Variants in NRXN3 observed in about 807,000 individuals in gnomAD.
NRXN3 encodes the protein neurexin III.
NRXN3 carries 32 observed loss-of-function variants against 137.6 expected under a neutral mutation model. The observed-to-expected ratio is 0.23, with a 90% CI of 0.18 to 0.31. The LOEUF is 0.31. Ranked by LOEUF, NRXN3 falls within the 10% of genes least tolerant of loss-of-function variation. The pLI, the probability that NRXN3 is intolerant of heterozygous loss-of-function variation, is 1.00. For missense variants in NRXN3, 1,574 were observed against 2,062.5 expected (o/e 0.76, Z 4.59); for synonymous variants, 798 against 784.5 (o/e 1.02, Z -0.29).
chr14:79,839,991 G>GTATGTATC (rs59626700), intron 20 of NRXN3, among the ~76,000 whole-genome samples: 5 of 147,630 alleles, frequency 3.4e-5, no homozygotes, highest in East Asian at 2.0e-4. Context: ...ATGTATGTAT[G>GTATGTATC]TATTTAAACG....
intron 8 of NRXN3, among the ~76,000 whole-genome samples, chr14:78,720,601 C>T (rs574016091): frequency 2.6e-5 from 4 of 152,158 alleles, no homozygotes; most frequent in Non-Finnish European, 5.9e-5. Flanking sequence ...CTCAGCAAGT[C>T]TCATCCATTT....
rs74951927 is a variant in NRXN3 at position 78,956,428 on chromosome 14, G to C, written c.2276-814G>C. ...TCCTGTTACCCCTGATTCTTTATAGGGTTCACTTGAACCTTAGCTTGAGCA... is the reference window on the plus strand; with the variant it reads ...TCCTGTTACCCCTGATTCTTTATAGCGTTCACTTGAACCTTAGCTTGAGCA... On this transcript the variant is annotated intron_variant, in intron 10 of 20. Transcript: ENST00000335750. Among the ~76,000 whole-genome samples the C allele has an allele frequency of 1.4e-4, 21 of 152,040 alleles. No homozygotes were observed. The East Asian group carries it at 4.1e-3, about 29-fold the overall frequency.
intron 11 of NRXN3, among the ~76,000 whole-genome samples, 160 bp downstream of exon 11, chr14:78,957,521 C>T (rs2099399138): frequency 6.6e-6 from 1 of 152,208 alleles, no homozygotes; most frequent in Non-Finnish European, 1.5e-5. Context: ...AGGTCTTCCT[C>T]TGTATTTTAC....
At chr14:79,598,906 C>G (rs978976038) in intron 16 of NRXN3, among the ~76,000 whole-genome samples, 6 of 152,040 alleles carry the variant, frequency 3.9e-5, no homozygotes, top group Admixed American at 1.3e-4. Context: ...AAGAGGTGGC[C>G]CTGGGATGGG....
chr14:78,227,743 G>T (rs112127147), intron 1 of NRXN3, among the ~76,000 whole-genome samples: 1 of 152,172 alleles, frequency 6.6e-6, no homozygotes, highest in South Asian at 2.1e-4. Context: ...TTAAGTGCTC[G>T]TAGTAAATTT....
At chr14:79,849,529 G>A (rs2099387290) in intron 20 of NRXN3, among the ~76,000 whole-genome samples, 1 of 152,070 alleles carries the variant, frequency 6.6e-6, no homozygotes, top group African/African-American at 2.4e-5. Flanking sequence ...AATCACCAGG[G>A]ACATGCCAAT....
intron 1 of NRXN3, among the ~76,000 whole-genome samples, chr14:78,174,645 A>T (rs568084740): frequency 5.7e-4 from 87 of 152,114 alleles, no homozygotes; most frequent in Admixed American, 1.1e-3. Flanking sequence ...TGTTTGTTGG[A>T]TATGTGCGTA....
At chr14:79,385,459 T>C (rs2094587193) in intron 15 of NRXN3, among the ~76,000 whole-genome samples, 1 of 152,110 alleles carries the variant, frequency 6.6e-6, no homozygotes, top group Admixed American at 6.6e-5. Context: ...CAGTCTATCA[T>C]TGTAGATGGT....
chr14:78,232,280 ATTAAT>A (rs2065530846), intron 1 of NRXN3, among the ~76,000 whole-genome samples: 1 of 152,244 alleles, frequency 6.6e-6, no homozygotes, highest in African/African-American at 2.4e-5. Context: ...CTCTTGCTCC[ATTAAT>A]GGAGAATTTG....
At chr14:79,762,372 G>T (rs938638437) in intron 19 of NRXN3, among the ~76,000 whole-genome samples, 1 of 151,592 alleles carries the variant, frequency 6.6e-6, no homozygotes, top group Non-Finnish European at 1.5e-5. Context: ...AGCAGATGTT[G>T]AACTGAAGAA....
intron 15 of NRXN3, among the ~76,000 whole-genome samples, chr14:79,104,700 T>C (rs2052042199): frequency 6.6e-6 from 1 of 152,186 alleles, no homozygotes; most frequent in Admixed American, 6.6e-5. Context: ...TTTTACCTTC[T>C]GGCAGGGAGT....
intron 3 of NRXN3, among the ~76,000 whole-genome samples, chr14:78,295,338 T>C (rs1382577924): frequency 1.3e-5 from 2 of 152,222 alleles, no homozygotes. Context: ...CTAGTATTTC[T>C]ATTTAAGGGT....
At chr14:78,447,688 A>G (rs1427812695) in intron 4 of NRXN3, among the ~76,000 whole-genome samples, 4 of 152,214 alleles carry the variant, frequency 2.6e-5, no homozygotes, top group African/African-American at 9.6e-5. Context: ...TCCTTCACAG[A>G]ATAGTTGCAA....
intron 8 of NRXN3, among the ~76,000 whole-genome samples, chr14:78,720,442 T>G (rs2098454541): frequency 6.6e-6 from 1 of 152,222 alleles, no homozygotes; most frequent in African/African-American, 2.4e-5. Context: ...ATGGAACAGC[T>G]TAATCATATC....
intron 16 of NRXN3, among the ~76,000 whole-genome samples, chr14:79,633,569 T>G (rs915361979): frequency 1.4e-5 from 2 of 143,614 alleles, no homozygotes; most frequent in Non-Finnish European, 3.0e-5. Context: ...AATAAATATT[T>G]ATCAAAGTAG....
At chr14:78,791,906 A>G (rs908834838) in intron 8 of NRXN3, among the ~76,000 whole-genome samples, 44 of 152,282 alleles carry the variant, frequency 2.9e-4, no homozygotes, top group African/African-American at 1.0e-3. Context: ...ATATTACACA[A>G]TTAAACCGTA....
intron 4 of NRXN3, among the ~76,000 whole-genome samples, chr14:78,610,168 T>G (rs1266723667): frequency 6.6e-6 from 1 of 152,170 alleles, no homozygotes; most frequent in African/African-American, 2.4e-5. Context: ...AAAATGATGT[T>G]GGACTAAGTC....
At chr14:79,228,002 T>G (rs2071385800) in intron 15 of NRXN3, among the ~76,000 whole-genome samples, 1 of 152,068 alleles carries the variant, frequency 6.6e-6, no homozygotes, top group Non-Finnish European at 1.5e-5. Flanking sequence ...TTTAAATAGG[T>G]CAAAGCAAAC....
chr14:78,265,831 T>G (rs1675454795), intron 2 of NRXN3, among the ~76,000 whole-genome samples: 1 of 152,222 alleles, frequency 6.6e-6, no homozygotes, highest in African/African-American at 2.4e-5. Context: ...TGGACAACTC[T>G]ACAGCACTGA....
Sources: allele counts gnomAD v4.1 joint callset (sites outside exome capture counted in the v4.1 genomes callset), GRCh38; gene constraint gnomAD v4.1.1; transcripts MANE v1.5; gene names NCBI Gene and HGNC (gene_info 2026-07-23, HGNC 2026-07-21).